Variants in PLXDC2 observed in about 807,000 individuals in gnomAD.
PLXDC2 encodes plexin domain containing 2, also known as plexin domain-containing protein 2.
A neutral mutation model predicts 68.9 loss-of-function variants in PLXDC2; 40 were observed. That is an observed-to-expected ratio of 0.58 (90% CI 0.45 to 0.76). The LOEUF (loss-of-function observed/expected upper bound fraction) is 0.76, where lower values mean the gene tolerates loss of function less well. Ranked by LOEUF, PLXDC2 falls within the 30% of genes least tolerant of loss-of-function variation. The probability of loss-of-function intolerance (pLI) is 0.00; values close to 1 mark genes in which losing one functional copy is unlikely to be tolerated. For synonymous variants in PLXDC2, 243 were observed against 234.2 expected, an observed-to-expected ratio of 1.04 and a Z score of -0.34; for missense variants, 644 against 661.9, an observed-to-expected ratio of 0.97 and a Z score of 0.30.
chr10:20,156,059 C>T (rs1209893928), intron 6 of PLXDC2, among the ~76,000 whole-genome samples: 1 of 151,800 alleles, frequency 6.6e-6, no homozygotes, highest in Non-Finnish European at 1.5e-5. Context: ...TTTTGTGTCT[C>T]CCCCAAACCC....
At chr10:20,178,607 T>C (rs1441070881) in intron 9 of PLXDC2, among the ~76,000 whole-genome samples, 1 of 152,090 alleles carries the variant, frequency 6.6e-6, no homozygotes, top group African/African-American at 2.4e-5. Flanking sequence ...GTCTGTCTTA[T>C]CATCTTCTTG....
chr10:20,100,333 C>A (rs1833406525), intron 4 of PLXDC2, among the ~76,000 whole-genome samples: 1 of 152,120 alleles, frequency 6.6e-6, no homozygotes, highest in Non-Finnish European at 1.5e-5. Flanking sequence ...TGTGTAATTC[C>A]ATTTTCGTTT....
chr10:20,116,365 T>C (rs1053938596), intron 4 of PLXDC2, among the ~76,000 whole-genome samples: 4 of 152,236 alleles, frequency 2.6e-5, no homozygotes, highest in African/African-American at 9.6e-5. Flanking sequence ...TTATTACTTA[T>C]CTGTTCTCGG....
chr10:19,980,577 G>T (rs761831849), intron 1 of PLXDC2, among the ~76,000 whole-genome samples: 1 of 152,068 alleles, frequency 6.6e-6, no homozygotes, highest in Non-Finnish European at 1.5e-5. Context: ...CCTTGGTTTG[G>T]GCCAGACATC....
intron 4 of PLXDC2, among the ~76,000 whole-genome samples, chr10:20,090,884 G>T (rs1020317017): frequency 1.6e-4 from 25 of 152,098 alleles, no homozygotes; most frequent in African/African-American, 5.8e-4. Context: ...TCATGAATGT[G>T]CTATCCCATT....
At chr10:19,954,500 A>G (rs1279080225) in intron 1 of PLXDC2, among the ~76,000 whole-genome samples, 1 of 152,230 alleles carries the variant, frequency 6.6e-6, no homozygotes, top group East Asian at 1.9e-4. Flanking sequence ...TTGATGATCC[A>G]TTTGTAGTCT....
intron 12 of PLXDC2, among the ~76,000 whole-genome samples, chr10:20,224,355 A>G (rs926995628): frequency 6.6e-6 from 1 of 152,164 alleles, no homozygotes; most frequent in African/African-American, 2.4e-5. Context: ...ATTTATATGC[A>G]TTTATAACAT....
chr10:19,974,352 T>G (rs1418341790), intron 1 of PLXDC2, among the ~76,000 whole-genome samples: 1 of 152,246 alleles, frequency 6.6e-6, no homozygotes, highest in Non-Finnish European at 1.5e-5. Flanking sequence ...AGCTGGTGGT[T>G]TCTGTGGCCC....
At chr10:20,096,474 G>C (rs1467681993) in intron 4 of PLXDC2, among the ~76,000 whole-genome samples, 29 of 151,936 alleles carry the variant, frequency 1.9e-4, no homozygotes, top group Non-Finnish European at 3.5e-4. Flanking sequence ...AAAAGTAAGG[G>C]AAGAAAATTA....
intron 3 of PLXDC2, among the ~76,000 whole-genome samples, chr10:20,055,342 G>T (rs1589607566): frequency 6.6e-6 from 1 of 152,100 alleles, no homozygotes; most frequent in East Asian, 1.9e-4. Flanking sequence ...TAATGTTTAT[G>T]TTGGGATAAG....
intron 1 of PLXDC2, among the ~76,000 whole-genome samples, chr10:19,984,135 A>G (rs1270043594): frequency 6.6e-6 from 1 of 152,204 alleles, no homozygotes; most frequent in African/African-American, 2.4e-5. Flanking sequence ...GGTATAATTC[A>G]AGTTCCAGAA....
chr10:19,890,007 C>G (rs1837921992), intron 1 of PLXDC2, among the ~76,000 whole-genome samples: 1 of 152,134 alleles, frequency 6.6e-6, no homozygotes, highest in Non-Finnish European at 1.5e-5. Flanking sequence ...CAGAGGCAGT[C>G]TCGCGTTTCA....
At chr10:20,007,006 T>C (rs1039020661) in intron 2 of PLXDC2, among the ~76,000 whole-genome samples, 1 of 152,208 alleles carries the variant, frequency 6.6e-6, no homozygotes, top group African/African-American at 2.4e-5. Flanking sequence ...AGTGTAGGTA[T>C]TAAAAATGAG....
intron 7 of PLXDC2, among the ~76,000 whole-genome samples, chr10:20,171,927 G>A (rs1834451946): frequency 6.6e-6 from 1 of 152,082 alleles, no homozygotes; most frequent in Non-Finnish European, 1.5e-5. Context: ...CTGGAAGAAA[G>A]ACACTGGAGA....
chr10:19,895,600 T>C (rs1466752436), intron 1 of PLXDC2, among the ~76,000 whole-genome samples: 1 of 152,226 alleles, frequency 6.6e-6, no homozygotes, highest in Non-Finnish European at 1.5e-5. Context: ...ATTTTGCACT[T>C]ACAGCACATC....
chr10:20,091,099 C>G (rs1400476204), intron 4 of PLXDC2, among the ~76,000 whole-genome samples: 1 of 152,134 alleles, frequency 6.6e-6, no homozygotes, highest in Non-Finnish European at 1.5e-5. Flanking sequence ...GTGATATGTT[C>G]AGCCTAGAAC....
At chr10:20,143,208 A>G (rs1445032214) in intron 4 of PLXDC2, 87 bp from the exon 5 acceptor site, 5 of 1,345,436 alleles carry the variant, frequency 3.7e-6, no homozygotes, top group Non-Finnish European at 5.1e-6. Context: ...TTTTCATAAT[A>G]TGACTGTAAT....
intron 5 of PLXDC2, among the ~76,000 whole-genome samples, chr10:20,147,016 T>TA (rs1564332606): frequency 1.4e-4 from 22 of 151,884 alleles, no homozygotes; most frequent in South Asian, 2.1e-4. Flanking sequence ...TTCTTTTTTT[T>TA]TAAAAAAAGA....
chr10:20,273,767 C>T (rs906749890), intron 13 of PLXDC2, among the ~76,000 whole-genome samples: 1 of 152,106 alleles, frequency 6.6e-6, no homozygotes, highest in African/African-American at 2.4e-5. Context: ...GTGTAATCCC[C>T]ACACTTTGGG....
Sources: allele counts gnomAD v4.1 joint callset (sites outside exome capture counted in the v4.1 genomes callset), GRCh38; gene constraint gnomAD v4.1.1; transcripts MANE v1.5; gene names NCBI Gene and HGNC (gene_info 2026-07-23, HGNC 2026-07-21).